MYPOP: variants seen among roughly 807,000 people sequenced by gnomAD.
MYPOP encodes the protein myb-related transcription factor, partner of profilin.
MYPOP carries 21 observed loss-of-function variants against 25.7 expected under a neutral mutation model. The observed-to-expected ratio is 0.82, with a 90% confidence interval of 0.58 to 1.18. The LOEUF is 1.18. MYPOP is among the 50% of genes most tolerant of loss of function. The pLI, the probability that MYPOP is intolerant of heterozygous loss-of-function variation, is 0.00. For missense variants in MYPOP, 566 were observed against 588.3 expected, an observed-to-expected ratio of 0.96 and a Z score of 0.39; for synonymous variants, 280 against 247.9, an observed-to-expected ratio of 1.13 and a Z score of -1.22.
Position 45,901,644 on chromosome 19 carries a change from T to G in MYPOP, c.130A>C (p.Ser44Arg). 1 of 1,610,556 alleles carries G rather than the reference T, an allele frequency of 6.2e-7. No individual in the cohort carries two copies. Among genetic ancestry groups the G allele is most frequent in the Non-Finnish European group, 8.5e-7 (1 of 1,179,262 alleles). Residue 44 changes from serine (S) to arginine (R), a missense_variant, in exon 2 of 3, where the codon AGC becomes CGC. By Grantham distance (110) the Ser-to-Arg change is moderately radical (BLOSUM62 -1). Transcript: ENST00000322217. This position sits in a 1 kb window ranked among gnomAD's most constrained non-coding sequence, Gnocchi z 5.7. ...CGCTCTGCCACGCTCACCCGACGGC[T>G]CTGCGCGCCGTAGAGCTGCGGGTAG... ...AHYPQLYGAQ[S>R]RRVSVAERRR... is the part of the protein sequence containing the mutation.
At position 45,891,297 on chromosome 19, in the gene MYPOP, A is replaced by G; in HGVS notation, c.526T>C (p.Ser176Pro). The G allele has an allele frequency of 6.5e-7, 1 of 1,538,162 alleles. No individual in the cohort carries two copies. Among genetic ancestry groups the G allele is most frequent in the Non-Finnish European group, 8.7e-7 (1 of 1,149,430 alleles). Residue 176 changes from serine (S) to proline (P), a missense_variant, in exon 3 of 3, where the codon TCC becomes CCC. Ser to Pro is a moderately conservative substitution (Grantham distance 74). Coordinates refer to ENST00000322217, the MANE Select transcript of MYPOP (RefSeq NM_001012643.4). ...CGGGCCCATGGCTCCGGGCTGCTGG[A>G]GCCCGCCTTGCTGTGGGCTGATGTA... ...ADTSAHSKAG[S>P]SSPEPWARPS... is the part of the protein sequence containing the mutation.
rs1600573999 is a variant in MYPOP at position 45,901,847 on chromosome 19, G to A, written c.-52-22C>T. The A allele has an allele frequency of 1.7e-6, 2 of 1,197,154 alleles. No homozygotes were observed. The highest frequency in any genetic ancestry group is 8.6e-5 in the Admixed American group (2 of 23,340). The allele number at this position is 1,197,154 out of a possible 1,614,324, so 74.2% of individuals were successfully genotyped here. A position where few individuals can be genotyped will look rare whatever the true frequency, so the allele number is the denominator to read the frequency against. On this transcript the variant is annotated intron_variant, in intron 1 of 2. Coordinates refer to ENST00000322217, the MANE Select transcript of MYPOP (RefSeq NM_001012643.4). The surrounding 1 kb of genome is among the most constrained non-coding windows in gnomAD (Gnocchi z 5.7). Reference sequence around the variant, plus strand: ...GGCGCTGCGGGCAAAGGGCGCACGGGGCTGGCTGGGGTTCGGGGTCCCCCC... The same window carrying A: ...GGCGCTGCGGGCAAAGGGCGCACGGAGCTGGCTGGGGTTCGGGGTCCCCCC...
At chr19:45,900,872 T>G (rs1892240423) in intron 2 of MYPOP, among the ~76,000 whole-genome samples, 1 of 152,172 alleles carries the variant, frequency 6.6e-6, no homozygotes, top group Admixed American at 6.6e-5. Flanking sequence ...CAGCAACGCT[T>G]TGAGGTGCAG....
chr19:45,902,248 A>G (rs997354042), intron 1 of MYPOP, among the ~76,000 whole-genome samples: 1 of 137,764 alleles, frequency 7.3e-6, no homozygotes, highest in Non-Finnish European at 1.6e-5. Context: ...GAAGGGGGGA[A>G]TCTGGAGCAG....
Position 45,890,751 on chromosome 19 carries a change from C to A in MYPOP, c.1072G>T (p.Ala358Ser), listed in dbSNP as rs776409582. 1.3e-6 allele frequency: 2 copies of A among 1,555,350 alleles called. No individual in the cohort carries two copies. Among genetic ancestry groups the A allele is most frequent in the Admixed American group, 1.9e-5 (1 of 52,446 alleles). ...AVVAARGVII[A>S]PRSEEGAPRP... Reference sequence around the variant, plus strand: ...GGTGCCCCCTCCTCGCTCCTTGGGGCAATGATCACTCCCCTGGCTGCCACC... The same window carrying A: ...GGTGCCCCCTCCTCGCTCCTTGGGGAAATGATCACTCCCCTGGCTGCCACC... The change falls in exon 3 of 3, where the codon GCC becomes TCC. Residue 358 changes from alanine (A) to serine (S), a missense_variant. By Grantham distance (99) the Ala-to-Ser change is moderately conservative. Coordinates refer to ENST00000322217, the MANE Select transcript of MYPOP (RefSeq NM_001012643.4).
intron 2 of MYPOP, among the ~76,000 whole-genome samples, chr19:45,892,289 T>G (rs888298790): frequency 3.3e-5 from 5 of 152,064 alleles, no homozygotes; most frequent in Admixed American, 2.0e-4. Context: ...CCTGAGGAAG[T>G]GAGAGAGAGG....
rs764182211 is a variant in MYPOP at position 45,890,830 on chromosome 19, C to T, written c.993G>A (p.Val331=). 16 of 1,339,742 alleles carry T rather than the reference C, an allele frequency of 1.2e-5. No individual in the cohort carries two copies. In the African/African-American group the frequency reaches 2.2e-4, roughly 18 times the overall value. 83.0% of individuals were successfully genotyped at this position (1,339,742 alleles called of 1,614,324 possible). A position where few individuals can be genotyped will look rare whatever the true frequency, so the allele number is the denominator to read the frequency against. The change falls in exon 3 of 3, where the codon GTG becomes GTA. Residue 331 remains valine (V), a synonymous_variant. Coordinates refer to ENST00000322217, the MANE Select transcript of MYPOP (RefSeq NM_001012643.4). ...RPVLPPPAPK[V]EITPEPVSVV... ...CGGACACGGGCTCTGGGGTGATCTC[C>T]ACCTTGGGGGCCGGTGGGGGCAGGA... is the stretch of plus-strand genomic sequence containing the variant.
intron 2 of MYPOP, among the ~76,000 whole-genome samples, chr19:45,899,368 A>G (rs1967255214): frequency 6.6e-6 from 1 of 152,148 alleles, no homozygotes; most frequent in Admixed American, 6.5e-5. Context: ...TTGCTAAACG[A>G]GTGAATGAAG....
chr19:45,900,539 C>A (rs994892767), intron 2 of MYPOP, among the ~76,000 whole-genome samples: 3 of 149,526 alleles, frequency 2.0e-5, no homozygotes, highest in Non-Finnish European at 4.4e-5. Flanking sequence ...AAGTCATCAC[C>A]GTCTTCCCCA....
intron 2 of MYPOP, among the ~76,000 whole-genome samples, chr19:45,899,072 C>T (rs1359961398): frequency 6.6e-6 from 1 of 152,078 alleles, no homozygotes; most frequent in Non-Finnish European, 1.5e-5. Flanking sequence ...ACTAAAAATA[C>T]AAAATTAGCC....
chr19:45,890,560 C>T lies in MYPOP; in HGVS notation c.*63G>A, dbSNP rs550314684. On this transcript the variant is annotated 3_prime_UTR_variant, in exon 3 of 3. Transcript: ENST00000322217. Reference sequence around the variant, plus strand: ...TGCAGCTGGGATGGGCAGAGAGCATCGCCCCCCTCGACTGCGCCAAGCTGG... The same window carrying T: ...TGCAGCTGGGATGGGCAGAGAGCATTGCCCCCCTCGACTGCGCCAAGCTGG... The T allele has an allele frequency of 2.2e-4, 350 of 1,582,010 alleles. 1 individual carries two copies. In the African/African-American group the frequency reaches 3.7e-3, roughly 17 times the overall value.
Position 45,901,468 on chromosome 19 carries a change from C to A in MYPOP, c.306G>T (p.Gly102=). ...ARVPHSTQGA[G]PAAEDAFSAE... The stretch of plus-strand genomic sequence containing the variant: ...CGGAGAAAGCGTCCTCCGCGGCGGG[C>A]CCGGCGCCCTGCGTGGAGTGCGGCA... Residue 102 remains glycine (G), a synonymous_variant, in exon 2 of 3, where the codon GGG becomes GGT. Transcript: ENST00000322217. This position sits in a 1 kb window ranked among gnomAD's most constrained non-coding sequence, Gnocchi z 5.7. 1.2e-6 allele frequency: 2 copies of A among 1,602,320 alleles called. No homozygotes were observed. Among genetic ancestry groups the A allele is most frequent in the Admixed American group, 1.7e-5 (1 of 59,090 alleles).
chr19:45,892,096 T>G (rs1428091302), intron 2 of MYPOP, among the ~76,000 whole-genome samples: 2 of 151,892 alleles, frequency 1.3e-5, no homozygotes, highest in Admixed American at 1.3e-4. Context: ...AATTTTTGTA[T>G]TTTTAGTAGA....
Position 45,890,251 on chromosome 19 carries a change from T to G in MYPOP, c.*372A>C. 5.2e-6 allele frequency: 1 copy of G among 190,606 alleles called. No homozygotes were observed. Among genetic ancestry groups the G allele is most frequent in the South Asian group, 1.6e-4 (1 of 6,174 alleles). 11.8% of individuals were successfully genotyped at this position (190,606 alleles called of 1,614,324 possible). On this transcript the variant is annotated 3_prime_UTR_variant, in exon 3 of 3. Coordinates refer to ENST00000322217, the MANE Select transcript of MYPOP (RefSeq NM_001012643.4). ...CGCTCCAAAGTCTGGGTTGGGGAGG[T>G]GGGGAGTCCCCCACGGGTCAATTCT... is the stretch of plus-strand genomic sequence containing the variant.
Position 45,890,713 on chromosome 19 carries a change from T to TGGGGGGGGGGGGGCGGGGGGGG in MYPOP, c.1109_1110insCCCCCCCCGCCCCCCCCCCCCC (p.Ala371ProfsTer86). ...GGGAGTCGTGCGGAGGGAGCGGGGCTGGGGGGGGCCGGGGTGCCCCCTCCT... is the reference window on the plus strand; with the variant it reads ...GGGAGTCGTGCGGAGGGAGCGGGGCTGGGGGGGGGGGGGCGGGGGGGGGGGGGGGGCCGGGGTGCCCCCTCCT... On this transcript the variant is annotated frameshift_variant, in exon 3 of 3. Transcript: ENST00000322217. LOFTEE classifies it high-confidence loss of function. The TGGGGGGGGGGGGGCGGGGGGGG allele has an allele frequency of 3.8e-6, 1 of 265,072 alleles. No homozygotes were observed. The highest frequency in any genetic ancestry group is 6.4e-6 in the Non-Finnish European group (1 of 157,182). The allele number at this position is 265,072 out of a possible 1,614,324, so 16.4% of individuals were successfully genotyped here. A position where few individuals can be genotyped will look rare whatever the true frequency, so the allele number is the denominator to read the frequency against.
Position 45,891,107 on chromosome 19 carries a change from G to A in MYPOP, c.716C>T (p.Ser239Leu). ...AGGAGGGGGTGGGGGGCTAGGGGGT[G>A]AGGGTGCCACTTGGGCCAGTGGCGG... is the stretch of plus-strand genomic sequence containing the variant. ...PPPPLAQVAP[S>L]PPSPPPPPRP... Residue 239 changes from serine to leucine, a missense_variant, in exon 3 of 3, where the codon TCA becomes TTA. By Grantham distance (145) the Ser-to-Leu change is moderately radical. Coordinates refer to ENST00000322217, the MANE Select transcript of MYPOP (RefSeq NM_001012643.4). The A allele has an allele frequency of 7.0e-7, 1 of 1,434,296 alleles. No individual in the cohort carries two copies. The highest frequency in any genetic ancestry group is 9.3e-7 in the Non-Finnish European group (1 of 1,076,630). The allele number at this position is 1,434,296 out of a possible 1,614,324, so 88.8% of individuals were successfully genotyped here.
chr19:45,891,351 G>A (rs754459836), intron 2 of MYPOP, 28 bp from the exon 3 acceptor site: 1 of 1,447,574 alleles, frequency 6.9e-7, no homozygotes, highest in South Asian at 1.5e-5. Flanking sequence ...CAGGTAAGGG[G>A]TGAGCGACCC....
At chr19:45,898,321 CT>C (rs1192200429) in intron 2 of MYPOP, among the ~76,000 whole-genome samples, 1 of 150,302 alleles carries the variant, frequency 6.7e-6, no homozygotes, top group Non-Finnish European at 1.5e-5. Flanking sequence ...GTGTATGGTT[CT>C]TTTTTTTGTT....
At chr19:45,899,987 G>A (rs907728129) in intron 2 of MYPOP, among the ~76,000 whole-genome samples, 3 of 152,206 alleles carry the variant, frequency 2.0e-5, no homozygotes, top group Non-Finnish European at 4.4e-5. Flanking sequence ...CAGTGGTTAA[G>A]TGCCATGGAC....
Sources: allele counts gnomAD v4.1 joint callset (sites outside exome capture counted in the v4.1 genomes callset), GRCh38; gene constraint gnomAD v4.1.1; non-coding constraint Gnocchi (gnomAD v3.1); transcripts MANE v1.5; gene names NCBI Gene and HGNC (gene_info 2026-07-23, HGNC 2026-07-21).